Variants in CCNA2 observed in about 807,000 individuals in gnomAD.
The protein encoded by CCNA2 is cyclin A2, also known as cyclin-A2.
Under a neutral mutation model 49.4 loss-of-function variants are expected in CCNA2, and 3 were observed. That is an observed-to-expected ratio of 0.06 (90% confidence interval 0.03 to 0.16). The LOEUF is 0.16. CCNA2 is among the 10% of genes least tolerant of loss of function. The pLI, the probability that CCNA2 is intolerant of heterozygous loss-of-function variation, is 1.00. For missense variants in CCNA2, 372 were observed against 519.7 expected, an observed-to-expected ratio of 0.72 and a Z score of 2.76; for synonymous variants, 206 against 197.2, an observed-to-expected ratio of 1.04 and a Z score of -0.37.
rs1228233765 is a variant in CCNA2 at position 121,822,342 on chromosome 4, A to G, written c.457+61T>C. ...CATAAGACATCTTAAAATGCAAATC[A>G]TTAATATCATCTAATAATTATAATT... is the stretch of plus-strand genomic sequence containing the variant. On this transcript the variant is annotated intron_variant, in intron 2 of 7. Coordinates refer to ENST00000274026, the MANE Select transcript of CCNA2 (RefSeq NM_001237.5). 20 of 1,514,186 alleles carry G rather than the reference A, an allele frequency of 1.3e-5. No homozygotes were observed. The Admixed American group carries it at 3.7e-4, about 28-fold the overall frequency. The allele number at this position is 1,514,186 out of a possible 1,614,324, so 93.8% of individuals were successfully genotyped here. A position where few individuals can be genotyped will look rare whatever the true frequency, so the allele number is the denominator to read the frequency against.
At chr4:121,821,694 T>C (rs1010150917) in intron 2 of CCNA2, among the ~76,000 whole-genome samples, 17 of 152,222 alleles carry the variant, frequency 1.1e-4, no homozygotes, top group Admixed American at 1.1e-3. Context: ...AGATTAAACA[T>C]TTTCTGCAAA....
Position 121,816,920 on chromosome 4 carries a change from C to T in CCNA2, c.*718G>A, listed in dbSNP as rs1724539527. 7.3e-7 allele frequency: 1 copy of T among 1,373,530 alleles called. No individual in the cohort carries two copies. The highest frequency in any genetic ancestry group is 1.5e-5 in the African/African-American group (1 of 66,666). 85.1% of individuals were successfully genotyped at this position (1,373,530 alleles called of 1,614,324 possible). A position where few individuals can be genotyped will look rare whatever the true frequency, so the allele number is the denominator to read the frequency against. Reference sequence around the variant, plus strand: ...GGGATATTTATTCCATTCTGAGAACCCTGGGTATTTTTTATTCACAAATCC... The same window carrying T: ...GGGATATTTATTCCATTCTGAGAACTCTGGGTATTTTTTATTCACAAATCC... On this transcript the variant is annotated 3_prime_UTR_variant, in exon 8 of 8. Coordinates refer to ENST00000274026, the MANE Select transcript of CCNA2 (RefSeq NM_001237.5).
Position 121,817,586 on chromosome 4 carries a change from C to T in CCNA2, c.*52G>A. 1 of 1,609,348 alleles carries T rather than the reference C, an allele frequency of 6.2e-7. No individual in the cohort carries two copies. The highest frequency in any genetic ancestry group is 8.5e-7 in the Non-Finnish European group (1 of 1,176,642). On this transcript the variant is annotated 3_prime_UTR_variant, in exon 8 of 8. Coordinates refer to ENST00000274026, the MANE Select transcript of CCNA2 (RefSeq NM_001237.5). ...TAAAACCTAAGTTAAAAACTGTACA[C>T]CATATACTTTGAGTGATTTACATCT...
intron 1 of CCNA2, among the ~76,000 whole-genome samples, chr4:121,822,858 T>C (rs1724724606): frequency 6.6e-6 from 1 of 152,300 alleles, no homozygotes; most frequent in Middle Eastern, 3.4e-3. Context: ...GGTGGAATTA[T>C]GCAAAACTTA....
chr4:121,823,337 C>G (rs939296067), intron 1 of CCNA2, 79 bp downstream of exon 1: 31 of 1,469,710 alleles, frequency 2.1e-5, no homozygotes, highest in Non-Finnish European at 2.3e-5. Context: ...CATGCCTTCT[C>G]GCCACTCTTC....
chr4:121,818,470 C>T (rs902159601), intron 6 of CCNA2, among the ~76,000 whole-genome samples: 3 of 152,114 alleles, frequency 2.0e-5, no homozygotes, highest in African/African-American at 4.8e-5. Flanking sequence ...ATATAATCAT[C>T]CCTCAGTGTA....
chr4:121,823,355 G>A, intron 1 of CCNA2, 61 bp downstream of exon 1: 3 of 1,523,160 alleles, frequency 2.0e-6, no homozygotes, highest in Non-Finnish European at 1.8e-6. Flanking sequence ...TTCTCTGCCT[G>A]CTAAGCCAAT....
Position 121,822,385 on chromosome 4 carries a change from A to G in CCNA2, c.457+18T>C. On this transcript the variant is annotated intron_variant, in intron 2 of 7. Transcript: ENST00000274026. ...TTATAATTACCGTAATTCCACACAG[A>G]TTTTCCTTAAAACTTACCAAAACTA... 1 of 1,608,300 alleles carries G rather than the reference A, an allele frequency of 6.2e-7. No individual in the cohort carries two copies. The highest frequency in any genetic ancestry group is 8.5e-7 in the Non-Finnish European group (1 of 1,176,148).
chr4:121,823,820 C>CGCAG lies in CCNA2; in HGVS notation c.-196_-193dup. 9.2e-7 allele frequency: 1 copy of CGCAG among 1,087,806 alleles called. No individual in the cohort carries two copies. The highest frequency in any genetic ancestry group is 2.8e-5 in the East Asian group (1 of 35,212). The allele number at this position is 1,087,806 out of a possible 1,614,324, so 67.4% of individuals were successfully genotyped here. A position where few individuals can be genotyped will look rare whatever the true frequency, so the allele number is the denominator to read the frequency against. On this transcript the variant is annotated 5_prime_UTR_variant, in exon 1 of 8. Transcript: ENST00000274026. ...GCAGGGCCGAGGAGGTTGCGAAAGGCGCAGGCAGGCACTGCCCAGCGTGGC... is the reference window on the plus strand; with the variant it reads ...GCAGGGCCGAGGAGGTTGCGAAAGGCGCAGGCAGGCAGGCACTGCCCAGCGTGGC...
rs533166200 is a variant in CCNA2, at chr4:121,817,695, A to AG, written c.1251-10dup. ...GAGAAACACCATGATACCTGTAAGT[A>AG]GGGAAAAAAAAAGCATTTTTAGTAA... On this transcript the variant is annotated splice_polypyrimidine_tract_variant and intron_variant, in intron 7 of 7. Transcript: ENST00000274026. 183 of 1,613,730 alleles carry AG rather than the reference A, an allele frequency of 1.1e-4. 1 individual carries two copies. In the East Asian group the frequency reaches 3.8e-3, roughly 33 times the overall value.
intron 2 of CCNA2, 42 bp from the exon 3 acceptor site, chr4:121,821,133 T>G: frequency 6.3e-7 from 1 of 1,586,774 alleles, no homozygotes; most frequent in Non-Finnish European, 8.6e-7. Flanking sequence ...ATTGTTTGCC[T>G]ATTTAGTTTA....
rs1724753758 is a variant in CCNA2 at position 121,823,511 on chromosome 4, G to A, written c.118C>T (p.Pro40Ser). The change falls in exon 1 of 8, where the codon CCC becomes TCC. Residue 40 changes from proline (P) to serine (S), a missense_variant. Physicochemically the swap from Pro to Ser is moderately conservative, Grantham distance 74. Transcript: ENST00000274026. Reference protein sequence around the residue: ...QENINPEKAAPVQQPRTRAAL... With the variant: ...QENINPEKAASVQQPRTRAAL... Reference sequence around the variant, plus strand: ...GCCCGGGTCCGCGGTTGTTGGACGGGCGCTGCCTTTTCCGGGTTGATATTC... The same window carrying A: ...GCCCGGGTCCGCGGTTGTTGGACGGACGCTGCCTTTTCCGGGTTGATATTC... The A allele has an allele frequency of 6.2e-7, 1 of 1,613,146 alleles. No homozygotes were observed. The highest frequency in any genetic ancestry group is 8.5e-7 in the Non-Finnish European group (1 of 1,179,782).
chr4:121,823,061 G>A (rs1724730867), intron 1 of CCNA2, among the ~76,000 whole-genome samples: 1 of 152,220 alleles, frequency 6.6e-6, no homozygotes, highest in African/African-American at 2.4e-5. Flanking sequence ...TCTTAAGCGT[G>A]AGGAGGATAG....
intron 7 of CCNA2, 110 bp downstream of exon 7, chr4:121,817,934 G>T: frequency 8.5e-7 from 1 of 1,174,960 alleles, no homozygotes; most frequent in Non-Finnish European, 1.2e-6. Flanking sequence ...CCAATTTAGA[G>T]AACAGCTTCT....
intron 2 of CCNA2, among the ~76,000 whole-genome samples, chr4:121,822,131 TTAAAA>T (rs1170798440): frequency 6.6e-6 from 1 of 152,194 alleles, no homozygotes; most frequent in Non-Finnish European, 1.5e-5. Flanking sequence ...TGGGATCAGA[TTAAAA>T]TAAGCATTTA....
Position 121,823,438 on chromosome 4 carries a change from T to G in CCNA2, c.191A>C (p.Gln64Pro). ...KSGNPRGLAQ[Q>P]QRPKTRRVAP... ...TACCCGTCTCGTCTTCGGCCTCTGC[T>G]GCTGCGCTAGACCCCGCGGGTTCCC... The change falls in exon 1 of 8, where the codon CAG becomes CCG. Residue 64 changes from glutamine to proline, a missense_variant. Coordinates refer to ENST00000274026, the MANE Select transcript of CCNA2 (RefSeq NM_001237.5). The G allele has an allele frequency of 2.5e-6, 4 of 1,612,930 alleles. No individual in the cohort carries two copies. Among genetic ancestry groups the G allele is most frequent in the Non-Finnish European group, 3.4e-6 (4 of 1,179,486 alleles).
chr4:121,823,661 C>T lies in CCNA2; in HGVS notation c.-33G>A, dbSNP rs1348245717. 1.2e-5 allele frequency: 19 copies of T among 1,537,514 alleles called. No homozygotes were observed. The highest frequency in any genetic ancestry group is 1.6e-5 in the Non-Finnish European group (18 of 1,145,790). On this transcript the variant is annotated 5_prime_UTR_variant, in exon 1 of 8. Transcript: ENST00000274026. ...CCCGGGAGTGGACGGCGGGATCAGCCTGCGGCGCCAAGCAGCGTGCACTCT... is the reference window on the plus strand; with the variant it reads ...CCCGGGAGTGGACGGCGGGATCAGCTTGCGGCGCCAAGCAGCGTGCACTCT...
intron 4 of CCNA2, among the ~76,000 whole-genome samples, 156 bp from the exon 5 acceptor site, chr4:121,819,735 T>A (rs1213857230): frequency 6.6e-6 from 1 of 152,138 alleles, no homozygotes; most frequent in Non-Finnish European, 1.5e-5. Context: ...AGAGACTGGA[T>A]AGCTAATTGC....
Position 121,820,904 on chromosome 4 carries a change from A to C in CCNA2, c.570+75T>G, listed in dbSNP as rs1724676247. Reference sequence around the variant, plus strand: ...GAATAATTCATTAGTTTAAAAATTTAAACATTATCCTCTCAATTTCATTTA... The same window carrying C: ...GAATAATTCATTAGTTTAAAAATTTCAACATTATCCTCTCAATTTCATTTA... On this transcript the variant is annotated intron_variant, in intron 3 of 7. Transcript: ENST00000274026. The surrounding 1 kb of genome is among the most constrained non-coding windows in gnomAD (Gnocchi z 4.1). 9 of 1,392,286 alleles carry C rather than the reference A, an allele frequency of 6.5e-6. No homozygotes were observed. The South Asian group carries it at 1.1e-4, about 17-fold the overall frequency. 86.2% of individuals were successfully genotyped at this position (1,392,286 alleles called of 1,614,324 possible). A position where few individuals can be genotyped will look rare whatever the true frequency, so the allele number is the denominator to read the frequency against.
Sources: allele counts gnomAD v4.1 joint callset (sites outside exome capture counted in the v4.1 genomes callset), GRCh38; gene constraint gnomAD v4.1.1; non-coding constraint Gnocchi (gnomAD v3.1); transcripts MANE v1.5; gene names NCBI Gene and HGNC (gene_info 2026-07-23, HGNC 2026-07-21).